Variants in SAP130 observed in about 807,000 individuals in gnomAD.
SAP130 encodes histone deacetylase complex subunit SAP130.
In SAP130, 16 loss-of-function variants were observed where a neutral mutation model predicts 103.2. The ratio of observed to expected loss-of-function variants is 0.16; its 90% CI spans 0.10 to 0.24. SAP130 has a LOEUF of 0.24. Ranked by LOEUF, SAP130 falls within the 10% of genes least tolerant of loss-of-function variation. The pLI is 1.00. For missense variants in SAP130, 990 were observed against 1,359.7 expected, an observed-to-expected ratio of 0.73 and a Z score of 4.28; for synonymous variants, 477 against 497.0, an observed-to-expected ratio of 0.96 and a Z score of 0.53.
intron 18 of SAP130, among the ~76,000 whole-genome samples, chr2:127,946,993 TAG>T (rs60193525): frequency 4.7e-5 from 6 of 127,542 alleles, no homozygotes; most frequent in Non-Finnish European, 6.8e-5. Flanking sequence ...GACAGAGAAG[TAG>T]AGAGAGAGAG....
chr2:127,973,359 A>G (rs895444222), intron 15 of SAP130, among the ~76,000 whole-genome samples: 24 of 152,194 alleles, frequency 1.6e-4, no homozygotes, highest in African/African-American at 5.5e-4. Flanking sequence ...CAGCCTCCCA[A>G]GTAGCTGGGA....
Position 127,945,537 on chromosome 2 carries a change from C to G in SAP130, c.2820G>C (p.Gln940His). ...RVKEEKKAML[Q>H]EIANQKGVSC... ...ATACTCCTTTCTGATTAGCTATTTC[C>G]TGCAGCATAGCTTTCTTCTCCTCTG... Residue 940 changes from glutamine to histidine, a missense_variant, in exon 19 of 21, where the codon CAG becomes CAC. Around this residue, in one of 6 missense-constraint regions of SAP130, gnomAD observed 69 missense variants for 165.7 expected, o/e 0.42. Coordinates refer to ENST00000643581, the MANE Select transcript of SAP130 (RefSeq NM_001330301.2). 6.2e-7 allele frequency: 1 copy of G among 1,610,376 alleles called. No homozygotes were observed. The highest frequency in any genetic ancestry group is 8.5e-7 in the Non-Finnish European group (1 of 1,176,668).
chr2:128,018,483 CAAAAAAAAAAAAAA>C lies in SAP130; in HGVS notation c.113-582_113-569del, dbSNP rs759445928. Among the ~76,000 whole-genome samples the C allele has an allele frequency of 2.9e-5, 2 of 69,480 alleles. 1 individual carries two copies. Among genetic ancestry groups the C allele is most frequent in the Non-Finnish European group, 5.2e-5 (2 of 38,520 alleles). 45.6% of individuals were successfully genotyped at this position (69,480 alleles called of 152,430 possible). A position where few individuals can be genotyped will look rare whatever the true frequency, so the allele number is the denominator to read the frequency against. On this transcript the variant is annotated intron_variant, in intron 2 of 20. Transcript: ENST00000643581. ...CTGGGCGAGAGAGGAAGATTGTCTC[CAAAAAAAAAAAAAA>C]AAAAAAAAAGGATGGCTGGTGCAGT... is the stretch of plus-strand genomic sequence containing the variant.
At chr2:127,982,558 A>G (rs1682029182) in intron 14 of SAP130, among the ~76,000 whole-genome samples, 1 of 152,220 alleles carries the variant, frequency 6.6e-6, no homozygotes, top group Non-Finnish European at 1.5e-5. Context: ...GAGTTTTGAG[A>G]GAAGGAAACG....
chr2:127,941,735 C>A lies in SAP130; in HGVS notation c.*271G>T. On this transcript the variant is annotated 3_prime_UTR_variant, in exon 21 of 21. Transcript: ENST00000643581. ...CAGCCAGCCATCCTTGTCATTGCTT[C>A]CAACTGGTGGACACTGATGCATCCG... 2.3e-6 allele frequency: 1 copy of A among 433,880 alleles called. No individual in the cohort carries two copies. The highest frequency in any genetic ancestry group is 4.1e-6 in the Non-Finnish European group (1 of 246,880). 26.9% of individuals were successfully genotyped at this position (433,880 alleles called of 1,614,324 possible). A position where few individuals can be genotyped will look rare whatever the true frequency, so the allele number is the denominator to read the frequency against.
chr2:127,960,402 C>A (rs184567466), intron 15 of SAP130, among the ~76,000 whole-genome samples: 2 of 152,136 alleles, frequency 1.3e-5, no homozygotes, highest in Non-Finnish European at 2.9e-5. Flanking sequence ...GGGATATGAT[C>A]AAGAAAAACC....
intron 3 of SAP130, 28 bp downstream of exon 3, chr2:128,017,652 A>G (rs1222354901): frequency 1.9e-6 from 3 of 1,570,376 alleles, no homozygotes; most frequent in Admixed American, 3.3e-5. Context: ...GCTCTGGTTC[A>G]GTGTGAAGTT....
rs138231037 is a variant in SAP130, at chr2:127,987,909, T to C, written c.1781-947A>G. Among the ~76,000 whole-genome samples the C allele has an allele frequency of 3.3e-4, 51 of 152,308 alleles. 1 individual carries two copies. In the South Asian group the frequency reaches 6.4e-3, roughly 19 times the overall value. ...CATGAGATCATAATCAGAAAATACC[T>C]GTGTTTGACAGTTTTTGACCTATAA... is the stretch of plus-strand genomic sequence containing the variant. On this transcript the variant is annotated intron_variant, in intron 13 of 20. Coordinates refer to ENST00000643581, the MANE Select transcript of SAP130 (RefSeq NM_001330301.2).
chr2:127,941,928 G>A lies in SAP130; in HGVS notation c.*78C>T. ...TTCCTTTATTTCAATGTTCCACTTT[G>A]GAAAAAACCAAAACCCTCCCCCCAC... On this transcript the variant is annotated 3_prime_UTR_variant, in exon 21 of 21. Coordinates refer to ENST00000643581, the MANE Select transcript of SAP130 (RefSeq NM_001330301.2). 1 of 610,798 alleles carries A rather than the reference G, an allele frequency of 1.6e-6. No individual in the cohort carries two copies. Among genetic ancestry groups the A allele is most frequent in the Admixed American group, 2.4e-5 (1 of 41,148 alleles). 37.8% of individuals were successfully genotyped at this position (610,798 alleles called of 1,614,324 possible). A position where few individuals can be genotyped will look rare whatever the true frequency, so the allele number is the denominator to read the frequency against.
intron 15 of SAP130, among the ~76,000 whole-genome samples, chr2:127,968,807 C>A (rs931878863): frequency 6.6e-6 from 1 of 152,076 alleles, no homozygotes; most frequent in Non-Finnish European, 1.5e-5. Context: ...GCACTGTGCC[C>A]AGCCTGACAA....
intron 1 of SAP130, 38 bp downstream of exon 1, chr2:128,027,902 T>C (rs1239017417): frequency 2.1e-6 from 2 of 970,012 alleles, no homozygotes; most frequent in East Asian, 1.2e-4. Context: ...CCCCCTCGTC[T>C]CCTCCCCTTC....
At chr2:128,024,374 G>C (rs1002661351) in intron 2 of SAP130, among the ~76,000 whole-genome samples, 1 of 151,900 alleles carries the variant, frequency 6.6e-6, no homozygotes, top group African/African-American at 2.4e-5. Flanking sequence ...AATGAGGCTG[G>C]AACATTAGAC....
intron 12 of SAP130, among the ~76,000 whole-genome samples, chr2:127,990,435 G>A (rs529098955): frequency 1.3e-5 from 2 of 151,716 alleles, no homozygotes; most frequent in Admixed American, 1.3e-4. Flanking sequence ...TCTGTGGAAA[G>A]AAAATAAACA....
intron 12 of SAP130, among the ~76,000 whole-genome samples, chr2:127,991,623 C>T (rs998121088): frequency 3.9e-5 from 6 of 152,102 alleles, no homozygotes; most frequent in Admixed American, 1.3e-4. Flanking sequence ...TGAGCCACCG[C>T]ACCTGGCCTA....
chr2:128,002,517 A>G (rs1420842977), intron 7 of SAP130, among the ~76,000 whole-genome samples: 2 of 151,962 alleles, frequency 1.3e-5, no homozygotes, highest in Non-Finnish European at 2.9e-5. Flanking sequence ...TGACAGCGCA[A>G]GAGTCTGTCT....
chr2:128,013,411 T>G (rs543297615), intron 5 of SAP130, among the ~76,000 whole-genome samples: 105 of 152,312 alleles, frequency 6.9e-4, no homozygotes, highest in Admixed American at 6.5e-4. Context: ...GTGTGCACAG[T>G]GGTAAAGCAC....
At position 128,027,980 on chromosome 2, in the gene SAP130, C is replaced by A. The variant is rs1685643123; in HGVS notation, c.-47G>T. ...AGTGGCCGCCGCGCCGCCTTGAGCT[C>A]GCTCCCGCGCGCTCTCCGTCTGTGG... On this transcript the variant is annotated 5_prime_UTR_variant, in exon 1 of 21. Coordinates refer to ENST00000643581, the MANE Select transcript of SAP130 (RefSeq NM_001330301.2). 2.0e-6 allele frequency: 2 copies of A among 985,532 alleles called. No individual in the cohort carries two copies. The highest frequency in any genetic ancestry group is 2.4e-6 in the Non-Finnish European group (2 of 830,056). 61.0% of individuals were successfully genotyped at this position (985,532 alleles called of 1,614,324 possible).
intron 15 of SAP130, among the ~76,000 whole-genome samples, chr2:127,965,112 T>C (rs1411605791): frequency 1.3e-5 from 2 of 151,658 alleles, no homozygotes; most frequent in Non-Finnish European, 1.5e-5. Context: ...CTGGCCAACA[T>C]GGTAAAACCC....
At chr2:128,007,057 T>C (rs1368369857) in intron 7 of SAP130, among the ~76,000 whole-genome samples, 2 of 152,220 alleles carry the variant, frequency 1.3e-5, no homozygotes, top group African/African-American at 4.8e-5. Flanking sequence ...ATCCAGGTTT[T>C]ATTAAAACAA....
Sources: gnomAD v4.1 joint callset for allele counts (sites outside exome capture counted in the v4.1 genomes callset) on GRCh38, gnomAD v4.1.1 for gene constraint, gnomAD v4.1.1 regional missense constraint, MANE v1.5 for transcripts, NCBI Gene and HGNC (gene_info 2026-07-23, HGNC 2026-07-21) for gene names.